The following SLC36A1 variants were observed in gnomAD, a reference collection of about 807,000 sequenced individuals.
SLC36A1 encodes solute carrier family 36 member 1.
Under a neutral mutation model 47.5 loss-of-function variants are expected in SLC36A1, and 30 were observed. That is an observed-to-expected ratio of 0.63 (90% CI 0.47 to 0.86). The LOEUF (loss-of-function observed/expected upper bound fraction) is 0.86. SLC36A1 is among the 40% of genes least tolerant of loss of function. The pLI is 0.00. For synonymous variants in SLC36A1, 255 were observed against 249.7 expected (o/e 1.02, Z -0.20); for missense variants, 517 against 606.0 (o/e 0.85, Z 1.54).
At chr5:151,544,630 T>A in the SLC36A1 span, 3 of 1,614,030 alleles carry the variant, frequency 1.9e-6, no homozygotes, top group East Asian at 4.5e-5. Flanking sequence ...TGGGTTGGAT[T>A]TATTTCTCAC....
At chr5:151,543,794 G>A in the SLC36A1 span, 40 of 1,614,094 alleles carry the variant, frequency 2.5e-5, no homozygotes, top group Admixed American at 4.7e-4. Context: ...GAGTCCAGGT[G>A]CTTTTTGCAA....
chr5:151,482,579 T>C (rs539359276), intron 10 of SLC36A1, among the ~76,000 whole-genome samples: 1 of 152,348 alleles, frequency 6.6e-6, no homozygotes, highest in East Asian at 1.9e-4. Flanking sequence ...ATAGTTGCAA[T>C]TGTAGTTTAC....
At chr5:151,496,110 G>T (rs114674616), downstream of SLC36A1, among the ~76,000 whole-genome samples, 12 of 152,240 alleles carry the variant, frequency 7.9e-5, no homozygotes, top group Admixed American at 6.5e-4. Context: ...GGAGGGACCC[G>T]GTGGGAGGTG....
chr5:151,518,358 T>TAAC, the SLC36A1 span, among the ~76,000 whole-genome samples: 1 of 130,586 alleles, frequency 7.7e-6, no homozygotes, highest in African/African-American at 2.6e-5. Context: ...CTAATAATAA[T>TAAC]AATAATAATA....
intron 1 of SLC36A1, among the ~76,000 whole-genome samples, chr5:151,449,554 T>C (rs1753302916): frequency 6.6e-6 from 1 of 152,214 alleles, no homozygotes; most frequent in African/African-American, 2.4e-5. Context: ...AGCCTCCTCT[T>C]GTGGCAGTTC....
At chr5:151,520,806 G>A in the SLC36A1 span, among the ~76,000 whole-genome samples, 1 of 152,136 alleles carries the variant, frequency 6.6e-6, no homozygotes, top group Admixed American at 6.5e-5. Flanking sequence ...CCAGACTATG[G>A]TAATAATAGT....
Position 151,458,311 on chromosome 5 carries a change from C to CATACACTT in SLC36A1, c.-5-477_-5-476insATACACTT, listed in dbSNP as rs1561737755. Among the ~76,000 whole-genome samples, 34 of 43,876 alleles carry CATACACTT rather than the reference C, an allele frequency of 7.7e-4. 1 individual carries two copies. Among genetic ancestry groups the CATACACTT allele is most frequent in the African/African-American group, 4.0e-3 (28 of 7,008 alleles). 28.8% of individuals were successfully genotyped at this position (43,876 alleles called of 152,430 possible). On this transcript the variant is annotated intron_variant, in intron 1 of 10. Coordinates refer to ENST00000243389, the MANE Select transcript of SLC36A1 (RefSeq NM_078483.4). ...ATATATATACATACACGTGTATATA[C>CATACACTT]GTATATATATATATATATATATGGG...
chr5:151,457,850 G>GT (rs1384205831), intron 1 of SLC36A1, among the ~76,000 whole-genome samples: 2 of 120,476 alleles, frequency 1.7e-5, no homozygotes, highest in Admixed American at 1.6e-4. Context: ...TTTGTTGTTT[G>GT]TTTGTTTTTT....
At chr5:151,399,104 T>TTA in the SLC36A1 span, among the ~76,000 whole-genome samples, 2 of 119,134 alleles carry the variant, frequency 1.7e-5, no homozygotes, top group South Asian at 2.7e-4. Flanking sequence ...TTTTTTTTTT[T>TTA]GAGACAGAGT....
intron 8 of SLC36A1, among the ~76,000 whole-genome samples, chr5:151,475,519 C>T (rs1035316908): frequency 6.6e-6 from 1 of 152,192 alleles, no homozygotes; most frequent in African/African-American, 2.4e-5. Context: ...CTGTATTCAC[C>T]GTGTGCTCTG....
intron 2 of SLC36A1, among the ~76,000 whole-genome samples, chr5:151,462,251 A>C (rs916623324): frequency 3.3e-5 from 5 of 152,220 alleles, no homozygotes; most frequent in Non-Finnish European, 7.3e-5. Context: ...GATATTATTA[A>C]TATACAATGA....
At chr5:151,399,084 A>ATATATATATATATATATT in the SLC36A1 span, among the ~76,000 whole-genome samples, 107 of 60,032 alleles carry the variant, frequency 1.8e-3, no homozygotes, top group Non-Finnish European at 2.9e-3. Context: ...ATATATATAT[A>ATATATATATATATATATT]TTTTTTTTTT....
downstream of SLC36A1, among the ~76,000 whole-genome samples, chr5:151,497,142 A>G (rs551598070): frequency 9.9e-5 from 15 of 152,142 alleles, no homozygotes; most frequent in South Asian, 2.9e-3. Context: ...CAATGGTTCA[A>G]ATTTCCAGTT....
chr5:151,550,521 C>T, the SLC36A1 span: 2 of 1,546,934 alleles, frequency 1.3e-6, no homozygotes, highest in African/African-American at 2.7e-5. Flanking sequence ...TTCAGCATGT[C>T]TCCAAGCATG....
chr5:151,510,195 G>C, the SLC36A1 span: 2 of 1,613,482 alleles, frequency 1.2e-6, no homozygotes, highest in South Asian at 2.2e-5. Context: ...AAGAAGGGAG[G>C]TGAGAGACCG....
At chr5:151,369,409 G>A in the SLC36A1 span, among the ~76,000 whole-genome samples, 1 of 152,240 alleles carries the variant, frequency 6.6e-6, no homozygotes, top group South Asian at 2.1e-4. Context: ...GGGCAGCTGA[G>A]AAGAAAGCAA....
chr5:151,517,869 G>T, the SLC36A1 span: 1 of 1,392,492 alleles, frequency 7.2e-7, no homozygotes, highest in Non-Finnish European at 9.9e-7. Context: ...CAGAATCATT[G>T]CTCATATTTT....
chr5:151,357,244 A>T, the SLC36A1 span, among the ~76,000 whole-genome samples: 1 of 152,170 alleles, frequency 6.6e-6, no homozygotes. Context: ...CCACATAGCT[A>T]AGGGCTTTAG....
the SLC36A1 span, chr5:151,544,244 A>G: frequency 6.2e-7 from 1 of 1,614,222 alleles, no homozygotes. Flanking sequence ...TCAGAAGCCA[A>G]CAGTTGGATC....
Sources: gnomAD v4.1 joint callset for allele counts (sites outside exome capture counted in the v4.1 genomes callset) on GRCh38, gnomAD v4.1.1 for gene constraint, MANE v1.5 for transcripts, NCBI Gene and HGNC (gene_info 2026-07-23, HGNC 2026-07-21) for gene names.